Variants in CACNA1C observed in about 807,000 individuals in gnomAD.
CACNA1C encodes the protein calcium voltage-gated channel subunit alpha1 C.
Under a neutral mutation model 229.0 loss-of-function variants are expected in CACNA1C, and 30 were observed. The observed-to-expected ratio is 0.13, with a 90% confidence interval of 0.10 to 0.18. The LOEUF is 0.18. CACNA1C is among the 10% of genes least tolerant of loss of function. The pLI, the probability that CACNA1C is intolerant of heterozygous loss-of-function variation, is 1.00. For missense variants in CACNA1C, 1,658 were observed against 2,845.0 expected, an observed-to-expected ratio of 0.58 and a Z score of 9.49; for synonymous variants, 1,114 against 1,132.5, an observed-to-expected ratio of 0.98 and a Z score of 0.33.
At chr12:2,448,826 T>C in intron 3 of CACNA1C, 150 bp from the exon 4 acceptor site, 1 of 575,500 alleles carries the variant, frequency 1.7e-6, no homozygotes, top group Non-Finnish European at 3.0e-6. Flanking sequence ...GGTCGTGGAG[T>C]TGCTAATTTG....
chr12:2,550,482 G>A, intron 10 of CACNA1C: 1 of 1,288,310 alleles, frequency 7.8e-7, no homozygotes, highest in South Asian at 1.2e-5. Flanking sequence ...AGCCAGGTGA[G>A]AAGATGTTCT....
At chr12:2,030,702 A>C (rs2048077318) in intron 1 of CACNA1C, among the ~76,000 whole-genome samples, 3 of 152,234 alleles carry the variant, frequency 2.0e-5, no homozygotes, top group Admixed American at 2.0e-4. Context: ...AGGCCACAGC[A>C]GGGCAGAGAT....
intron 3 of CACNA1C, among the ~76,000 whole-genome samples, chr12:2,404,169 A>G (rs1200310750): frequency 6.6e-6 from 1 of 152,194 alleles, no homozygotes; most frequent in African/African-American, 2.4e-5. Context: ...GGCCTGTAGC[A>G]AGGAGAGTAA....
rs1161757528 is a variant in CACNA1C at position 2,691,552 on chromosome 12, G to T, written c.*353G>T. ...ACCCTACAGCAAACGGGTGTCTTTC[G>T]ACTCTGCTTGTAGAAACCATTTGCA... On this transcript the variant is annotated 3_prime_UTR_variant, in exon 47 of 47. Coordinates refer to ENST00000399655, the MANE Select transcript of CACNA1C (RefSeq NM_000719.7). 4 of 234,946 alleles carry T rather than the reference G, an allele frequency of 1.7e-5. No individual in the cohort carries two copies. The highest frequency in any genetic ancestry group is 2.5e-5 in the Non-Finnish European group (3 of 122,236). The allele number at this position is 234,946 out of a possible 1,614,324, so 14.6% of individuals were successfully genotyped here. A position where few individuals can be genotyped will look rare whatever the true frequency, so the allele number is the denominator to read the frequency against.
At chr12:2,304,427 G>A (rs530325841) in intron 3 of CACNA1C, among the ~76,000 whole-genome samples, 25 of 152,136 alleles carry the variant, frequency 1.6e-4, no homozygotes, top group Non-Finnish European at 2.9e-4. Flanking sequence ...TATCCAACCC[G>A]GCACCGAGGC....
intron 3 of CACNA1C, among the ~76,000 whole-genome samples, chr12:2,230,044 G>A (rs1193639474): frequency 6.6e-6 from 1 of 152,176 alleles, no homozygotes; most frequent in Non-Finnish European, 1.5e-5. Context: ...CTTAAGCTCC[G>A]GCAGCGATTC....
At chr12:2,412,154 G>A (rs759557873) in intron 3 of CACNA1C, among the ~76,000 whole-genome samples, 5 of 152,092 alleles carry the variant, frequency 3.3e-5, no homozygotes, top group Non-Finnish European at 5.9e-5. Flanking sequence ...AGCTCCCCAG[G>A]CAGGGGTCCC....
intron 3 of CACNA1C, among the ~76,000 whole-genome samples, chr12:2,299,006 C>T (rs991900051): frequency 1.3e-5 from 2 of 152,182 alleles, no homozygotes; most frequent in African/African-American, 4.8e-5. Context: ...TGAGGCTGAA[C>T]GGAGCTAGTG....
chr12:2,179,938 C>T (rs2096782677), intron 3 of CACNA1C, among the ~76,000 whole-genome samples: 1 of 152,210 alleles, frequency 6.6e-6, no homozygotes, highest in Non-Finnish European at 1.5e-5. Context: ...TTGATCATTT[C>T]TCTTCATCTG....
intron 3 of CACNA1C, among the ~76,000 whole-genome samples, chr12:2,160,343 CTG>C (rs892663540): frequency 1.3e-4 from 20 of 152,206 alleles, no homozygotes; most frequent in African/African-American, 4.8e-4. Context: ...AACATGGTAA[CTG>C]TGACATGTAC....
intron 1 of CACNA1C, among the ~76,000 whole-genome samples, chr12:2,003,477 T>C (rs2042654610): frequency 6.6e-6 from 1 of 152,240 alleles, no homozygotes; most frequent in Non-Finnish European, 1.5e-5. Flanking sequence ...CAAAATTACA[T>C]GTCTCTACAT....
chr12:2,359,471 G>C (rs1221398952), intron 3 of CACNA1C, among the ~76,000 whole-genome samples: 2 of 151,976 alleles, frequency 1.3e-5, no homozygotes. Flanking sequence ...CCGGATTGCT[G>C]TGATGCTGCA....
At chr12:2,340,603 G>A (rs537921516) in intron 3 of CACNA1C, among the ~76,000 whole-genome samples, 3 of 152,182 alleles carry the variant, frequency 2.0e-5, no homozygotes, top group East Asian at 3.8e-4. Context: ...AGAGGGATCC[G>A]GAGGGTCCCT....
At chr12:2,442,200 T>G (rs1423819647) in intron 3 of CACNA1C, among the ~76,000 whole-genome samples, 1 of 152,190 alleles carries the variant, frequency 6.6e-6, no homozygotes. Flanking sequence ...TGGTAATATA[T>G]ACGTGAGAAG....
chr12:2,328,798 A>G (rs933589422), intron 3 of CACNA1C, among the ~76,000 whole-genome samples: 6 of 152,190 alleles, frequency 3.9e-5, no homozygotes, highest in African/African-American at 1.4e-4. Context: ...GTTGTTGCTA[A>G]TGCATCTTCT....
Position 2,005,722 on chromosome 12 carries a change from A to G in CACNA1C, c.139+34521A>G, listed in dbSNP as rs79734763. On this transcript the variant is annotated intron_variant, in intron 1 of 46. Coordinates refer to the CACNA1C transcript ENST00000682462. The stretch of plus-strand genomic sequence containing the variant: ...GATCTGCTTAACTCAGTGGTCCAGT[A>G]TTTTCCAAAAGACCAATGTCTCATG... Among the ~76,000 whole-genome samples the G allele has an allele frequency of 3.8e-3, 574 of 152,320 alleles. 4 individuals carry two copies. The highest frequency in any genetic ancestry group is 6.7e-3 in the Non-Finnish European group (456 of 68,032).
rs117504042 is a variant in CACNA1C at position 2,229,751 on chromosome 12, C to T, written c.477+109321C>T. On this transcript the variant is annotated intron_variant, in intron 3 of 46. Coordinates refer to ENST00000399655, the MANE Select transcript of CACNA1C (RefSeq NM_000719.7). ...AGGGAATTGCAGTTACAGACACTGACAGACGAACGGCCTGGCAGGCTCAAG... is the reference window on the plus strand; with the variant it reads ...AGGGAATTGCAGTTACAGACACTGATAGACGAACGGCCTGGCAGGCTCAAG... Among the ~76,000 whole-genome samples the T allele has an allele frequency of 5.1e-3, 783 of 152,332 alleles. 7 individuals carry two copies. Among genetic ancestry groups the T allele is most frequent in the South Asian group, 0.027 (132 of 4,828 alleles).
chr12:2,560,098 G>T (rs945472464), intron 11 of CACNA1C, among the ~76,000 whole-genome samples: 1 of 152,164 alleles, frequency 6.6e-6, no homozygotes, highest in Admixed American at 6.5e-5. Context: ...GCTGCATGTT[G>T]CTAGCGGCTG....
At chr12:1,982,894 C>T (rs4765871) in intron 1 of CACNA1C, among the ~76,000 whole-genome samples, 44,390 of 151,946 alleles carry the variant, frequency 0.29, 6,746 homozygotes, top group East Asian at 0.52. Flanking sequence ...TAGAATTCAC[C>T]AGTTAAACTA....
Sources: gnomAD v4.1 joint callset for allele counts (sites outside exome capture counted in the v4.1 genomes callset) on GRCh38, gnomAD v4.1.1 for gene constraint, MANE v1.5 for transcripts, NCBI Gene and HGNC (gene_info 2026-07-23, HGNC 2026-07-21) for gene names.